OAS3: variants seen among roughly 807,000 people sequenced by gnomAD.
The protein encoded by OAS3 is 2'-5'-oligoadenylate synthetase 3.
A neutral mutation model predicts 113.0 loss-of-function variants in OAS3; 107 were observed. The observed-to-expected ratio is 0.95, with a 90% CI of 0.81 to 1.11. The LOEUF (loss-of-function observed/expected upper bound fraction) is 1.11. Ranked by LOEUF, OAS3 falls within the 50% of genes most tolerant of loss-of-function variation. OAS3 has a pLI of 0.00. For missense variants in OAS3, 1,258 were observed against 1,389.1 expected, an observed-to-expected ratio of 0.91 and a Z score of 1.50; for synonymous variants, 552 against 573.6, an observed-to-expected ratio of 0.96 and a Z score of 0.54.
At chr12:112,947,836 TGCCC>T in intron 4 of OAS3, 106 bp from the exon 5 acceptor site, 1 of 971,882 alleles carries the variant, frequency 1.0e-6, no homozygotes, top group Admixed American at 3.4e-5. Context: ...GTAAATCATT[TGCCC>T]CAGGTCACAC....
At chr12:112,944,786 C>A in intron 3 of OAS3, 135 bp downstream of exon 3, 1 of 931,440 alleles carries the variant, frequency 1.1e-6, no homozygotes, top group Non-Finnish European at 1.7e-6. Flanking sequence ...GTCCCTTGTG[C>A]ATTATTTTCT....
chr12:112,968,497 T>G (rs2043956387), intron 14 of OAS3, among the ~76,000 whole-genome samples: 1 of 152,164 alleles, frequency 6.6e-6, no homozygotes, highest in South Asian at 2.1e-4. Flanking sequence ...AAAGTCAAAT[T>G]TAACTGGGCA....
Position 112,973,088 on chromosome 12 carries a change from A to T in OAS3, c.*3115A>T, listed in dbSNP as rs1406536679. On this transcript the variant is annotated 3_prime_UTR_variant, in exon 16 of 16. Coordinates refer to ENST00000228928, the MANE Select transcript of OAS3 (RefSeq NM_006187.4). Reference sequence around the variant, plus strand: ...GAGCCATATCACAGATGCATTCATCATAATAATTCCAGACATTTTCATCAC... The same window carrying T: ...GAGCCATATCACAGATGCATTCATCTTAATAATTCCAGACATTTTCATCAC... The T allele has an allele frequency of 6.6e-6, 1 of 152,228 alleles. No individual in the cohort carries two copies. Among genetic ancestry groups the T allele is most frequent in the Non-Finnish European group, 1.5e-5 (1 of 68,048 alleles). 9.4% of individuals were successfully genotyped at this position (152,228 alleles called of 1,614,324 possible). A position where few individuals can be genotyped will look rare whatever the true frequency, so the allele number is the denominator to read the frequency against.
At chr12:112,939,274 G>T (rs2043658100) in intron 1 of OAS3, among the ~76,000 whole-genome samples, 1 of 146,912 alleles carries the variant, frequency 6.8e-6, no homozygotes, top group Non-Finnish European at 1.5e-5. Flanking sequence ...GGAAACTGAG[G>T]CTAGACGCTA....
Position 112,965,774 on chromosome 12 carries a change from C to T in OAS3, c.2434C>T (p.Arg812Ter), listed in dbSNP as rs767021408. ...CTCTTCAGCCAAAGGCACAGCTCTG[C>T]GAGGCCGCTCAGATGCCGACCTCGT... ...GGSSAKGTAL[R>*]GRSDADLVVF... The change falls in exon 12 of 16, where the codon CGA becomes TGA. Residue 812 changes from arginine to a stop codon, truncating the protein, a stop_gained. Transcript: ENST00000228928. LOFTEE classifies it high-confidence loss of function. 3.7e-6 allele frequency: 6 copies of T among 1,612,690 alleles called. No individual in the cohort carries two copies. The highest frequency in any genetic ancestry group is 2.2e-5 in the East Asian group (1 of 44,888).
At chr12:112,969,287 C>A in intron 14 of OAS3, 1 of 344,442 alleles carries the variant, frequency 2.9e-6, no homozygotes, top group Non-Finnish European at 5.5e-6. Context: ...AAATACTCAA[C>A]CTGTATCATG....
In OAS3 at chr12:112,948,029, C is replaced by G. The variant is rs773253763; in HGVS notation, c.959C>G (p.Ala320Gly). The change falls in exon 5 of 16, where the codon GCA becomes GGA. Residue 320 changes from alanine to glycine, a missense_variant. Transcript: ENST00000228928. ...AWHWDLLAQE[A>G]ASCYDHPCFL... is the part of the protein sequence containing the mutation. Reference sequence around the variant, plus strand: ...CACTGGGATTTGCTAGCCCAGGAGGCAGCATCCTGCTATGACCACCCATGC... The same window carrying G: ...CACTGGGATTTGCTAGCCCAGGAGGGAGCATCCTGCTATGACCACCCATGC... 2.5e-6 allele frequency: 4 copies of G among 1,600,244 alleles called. No individual in the cohort carries two copies. The South Asian group carries it at 4.5e-5, about 18-fold the overall frequency.
intron 6 of OAS3, among the ~76,000 whole-genome samples, chr12:112,950,160 C>G (rs1190452013): frequency 6.6e-6 from 1 of 152,184 alleles, no homozygotes; most frequent in Non-Finnish European, 1.5e-5. Context: ...CATGTAAGTT[C>G]CAGAAGAACA....
In OAS3 at chr12:112,958,773, G is replaced by A. The variant is rs2043857852; in HGVS notation, c.1658-2298G>A. On this transcript the variant is annotated intron_variant, in intron 7 of 15. Transcript: ENST00000228928. ...GGCCCCTACGGGGAAGTGCCTCCCAGTTAGGCTACTCGGGGGTCAGGGACC... is the reference window on the plus strand; with the variant it reads ...GGCCCCTACGGGGAAGTGCCTCCCAATTAGGCTACTCGGGGGTCAGGGACC... Among the ~76,000 whole-genome samples, 13 of 152,258 alleles carry A rather than the reference G, an allele frequency of 8.5e-5. No individual in the cohort carries two copies. In the South Asian group the frequency reaches 2.7e-3, roughly 31 times the overall value.
At chr12:112,968,873 A>T (rs1349103110) in intron 14 of OAS3, among the ~76,000 whole-genome samples, 6 of 152,244 alleles carry the variant, frequency 3.9e-5, no homozygotes, top group African/African-American at 1.4e-4. Flanking sequence ...AGGTGCCATA[A>T]GCATGTTTCA....
intron 7 of OAS3, among the ~76,000 whole-genome samples, chr12:112,960,302 G>A (rs1259099762): frequency 6.6e-6 from 1 of 152,090 alleles, no homozygotes; most frequent in Non-Finnish European, 1.5e-5. Context: ...TCTAGCACAG[G>A]ATCGGGGTCC....
chr12:112,963,289 C>T lies in OAS3; in HGVS notation c.2085-24C>T. On this transcript the variant is annotated intron_variant, in intron 9 of 15. Transcript: ENST00000228928. The surrounding 1 kb of genome is among the most constrained non-coding windows in gnomAD (Gnocchi z 4.6). Reference sequence around the variant, plus strand: ...CTTTCACTGACTCCCACCTTCCCCACCCACCTTCCTGCTGTGCCCCCAGAC... The same window carrying T: ...CTTTCACTGACTCCCACCTTCCCCATCCACCTTCCTGCTGTGCCCCCAGAC... The T allele has an allele frequency of 6.4e-7, 1 of 1,553,118 alleles. No individual in the cohort carries two copies.
In OAS3 at chr12:112,970,661, A is replaced by G. The variant is rs1421563802; in HGVS notation, c.*688A>G. On this transcript the variant is annotated 3_prime_UTR_variant, in exon 16 of 16. Coordinates refer to ENST00000228928, the MANE Select transcript of OAS3 (RefSeq NM_006187.4). The stretch of plus-strand genomic sequence containing the variant: ...CAGGTTTACAGTGTATATGTGGGCT[A>G]TTGAAGAGCCCTCTGAGCTCGGTTG... The G allele has an allele frequency of 1.3e-5, 2 of 152,706 alleles. No individual in the cohort carries two copies. Among genetic ancestry groups the G allele is most frequent in the Non-Finnish European group, 2.9e-5 (2 of 68,452 alleles). The allele number at this position is 152,706 out of a possible 1,614,324, so 9.5% of individuals were successfully genotyped here.
At chr12:112,950,641 G>C in intron 6 of OAS3, 52 bp from the exon 7 acceptor site, 2 of 1,587,252 alleles carry the variant, frequency 1.3e-6, no homozygotes, top group Non-Finnish European at 1.7e-6. Flanking sequence ...ATCGTAGTCC[G>C]ACTCCCAGGC....
At chr12:112,953,811 C>T (rs995575927) in intron 7 of OAS3, among the ~76,000 whole-genome samples, 8 of 152,156 alleles carry the variant, frequency 5.3e-5, no homozygotes, top group African/African-American at 1.7e-4. Flanking sequence ...TGTTCATATC[C>T]TTTACCCACT....
At position 112,967,528 on chromosome 12, in the gene OAS3, TTCA is replaced by T. The variant is rs770167377; in HGVS notation, c.2806_2808del (p.Ile936del). 2.5e-6 allele frequency: 4 copies of T among 1,613,806 alleles called. No individual in the cohort carries two copies. Among genetic ancestry groups the T allele is most frequent in the East Asian group, 4.5e-5 (2 of 44,888 alleles). The stretch of plus-strand genomic sequence containing the variant: ...CTGCTTCACAGAGCTACAACGGGAC[TTCA>T]TCATCTCTCGCCCTACCAAGCTGAA... On this transcript the variant is annotated inframe_deletion, in exon 13 of 16. Transcript: ENST00000228928.
In OAS3 at chr12:112,950,695, G is replaced by T. The variant is rs2043781505; in HGVS notation, c.1377G>T (p.Gly459=). The change falls in exon 7 of 16, where the codon GGG becomes GGT. Residue 459 remains glycine (G), a splice_region_variant and synonymous_variant. Coordinates refer to ENST00000228928, the MANE Select transcript of OAS3 (RefSeq NM_006187.4). ...CVHKASRVSK[G]GSFGRGTDLR... ...CTGAGCTGTTCTTCCCTCCACAGGG[G>T]GGCTCATTTGGCCGGGGCACAGACC... 6.2e-7 allele frequency: 1 copy of T among 1,613,816 alleles called. No homozygotes were observed. Among genetic ancestry groups the T allele is most frequent in the African/African-American group, 1.3e-5 (1 of 74,932 alleles).
chr12:112,938,641 C>G lies in OAS3; in HGVS notation c.111C>G (p.Ala37=), dbSNP rs1044730070. 6.2e-7 allele frequency: 1 copy of G among 1,605,026 alleles called. No individual in the cohort carries two copies. Among genetic ancestry groups the G allele is most frequent in the Non-Finnish European group, 8.5e-7 (1 of 1,176,810 alleles). ...EKARRALGAL[A]AALRERGGRL... ...CGCGGCGCGCTCTGGGCGCCCTGGC[C>G]GCTGCCCTGAGGGAGCGCGGGGGCC... is the stretch of plus-strand genomic sequence containing the variant. The change falls in exon 1 of 16, where the codon GCC becomes GCG. Residue 37 remains alanine (A), a synonymous_variant. Coordinates refer to ENST00000228928, the MANE Select transcript of OAS3 (RefSeq NM_006187.4).
In OAS3 at chr12:112,964,317, C is replaced by A; in HGVS notation, c.2312C>A (p.Ala771Asp). The A allele has an allele frequency of 1.2e-6, 2 of 1,610,428 alleles. No homozygotes were observed. Among genetic ancestry groups the A allele is most frequent in the Non-Finnish European group, 1.7e-6 (2 of 1,178,388 alleles). Residue 771 changes from alanine to aspartate, a missense_variant, in exon 11 of 16, where the codon GCC becomes GAC. Coordinates refer to ENST00000228928, the MANE Select transcript of OAS3 (RefSeq NM_006187.4). ...CTCCAGCCCAACCGCCAGTTCCTGG[C>A]CCAGGTGAACAAGGCCGTTGATACC... ...EFLQPNRQFL[A>D]QVNKAVDTIC...
Sources: gnomAD v4.1 joint callset for allele counts (sites outside exome capture counted in the v4.1 genomes callset) on GRCh38, gnomAD v4.1.1 for gene constraint, Gnocchi (gnomAD v3.1) non-coding constraint, MANE v1.5 for transcripts, NCBI Gene and HGNC (gene_info 2026-07-23, HGNC 2026-07-21) for gene names.